The following CHRM2 variants were observed in gnomAD, a reference collection of about 807,000 sequenced individuals.
CHRM2 encodes muscarinic acetylcholine receptor M2.
In CHRM2, 8 loss-of-function variants were observed where a neutral mutation model predicts 25.0. The ratio of observed to expected loss-of-function variants is 0.32; its 90% confidence interval spans 0.19 to 0.58. The LOEUF (loss-of-function observed/expected upper bound fraction) is 0.58. CHRM2 is among the 20% of genes least tolerant of loss of function. CHRM2 has a pLI of 0.88. For missense variants in CHRM2, 440 were observed against 567.1 expected (o/e 0.78, Z 2.28); for synonymous variants, 202 against 205.7 (o/e 0.98, Z 0.15).
intron 2 of CHRM2, among the ~76,000 whole-genome samples, chr7:136,934,715 T>C (rs1799312649): frequency 6.6e-6 from 1 of 152,072 alleles, no homozygotes; most frequent in African/African-American, 2.4e-5. Flanking sequence ...TGTCATTATT[T>C]ATAAATAATG....
chr7:136,981,066 T>C (rs188921112), intron 2 of CHRM2, among the ~76,000 whole-genome samples: 65 of 152,326 alleles, frequency 4.3e-4, no homozygotes, highest in Non-Finnish European at 7.6e-4. Context: ...TGAATCCGTC[T>C]GTTCCTAGGC....
At chr7:136,989,446 A>G (rs1166716291) in intron 2 of CHRM2, among the ~76,000 whole-genome samples, 2 of 152,184 alleles carry the variant, frequency 1.3e-5, no homozygotes, top group Non-Finnish European at 2.9e-5. Context: ...GAAGTAGTTT[A>G]TATAAAGAGA....
intron 2 of CHRM2, among the ~76,000 whole-genome samples, chr7:136,900,372 A>C (rs528303979): frequency 1.3e-5 from 2 of 152,218 alleles, no homozygotes; most frequent in Non-Finnish European, 2.9e-5. Context: ...GGAGAAGTAA[A>C]ACCAGACTGA....
intron 3 of CHRM2, among the ~76,000 whole-genome samples, chr7:137,007,148 C>G (rs324646): frequency 0.14 from 21,049 of 152,014 alleles, 1,760 homozygotes; most frequent in African/African-American, 0.21. Flanking sequence ...TTCCAGGGAG[C>G]TTTCTGTATT....
chr7:136,967,533 A>G (rs1266573498), intron 2 of CHRM2, among the ~76,000 whole-genome samples: 1 of 152,086 alleles, frequency 6.6e-6, no homozygotes, highest in Non-Finnish European at 1.5e-5. Context: ...TGACTTAATA[A>G]TTCTCATAAA....
At chr7:136,971,145 T>C (rs990461519) in intron 2 of CHRM2, among the ~76,000 whole-genome samples, 2 of 152,172 alleles carry the variant, frequency 1.3e-5, no homozygotes, top group Non-Finnish European at 2.9e-5. Context: ...AGAACCAGAA[T>C]TCAGATCTCA....
At chr7:136,904,894 G>A (rs1156546503) in intron 2 of CHRM2, among the ~76,000 whole-genome samples, 1 of 151,926 alleles carries the variant, frequency 6.6e-6, no homozygotes, top group Non-Finnish European at 1.5e-5. Context: ...CACATGTTGT[G>A]AGAGGGACTT....
intron 3 of CHRM2, among the ~76,000 whole-genome samples, chr7:136,994,285 C>G (rs1326959364): frequency 2.0e-5 from 3 of 152,126 alleles, no homozygotes; most frequent in Non-Finnish European, 4.4e-5. Context: ...TATTTTGTAT[C>G]CATGCTTACT....
chr7:136,974,912 T>C (rs1802016803), intron 2 of CHRM2, among the ~76,000 whole-genome samples: 1 of 152,034 alleles, frequency 6.6e-6, no homozygotes, highest in Non-Finnish European at 1.5e-5. Flanking sequence ...ATAACTAATA[T>C]AGTGATGGTA....
intron 2 of CHRM2, among the ~76,000 whole-genome samples, chr7:136,936,473 G>T (rs146106701): frequency 1.3e-5 from 2 of 152,194 alleles, no homozygotes; most frequent in African/African-American, 4.8e-5. Flanking sequence ...TCTGTTAAAT[G>T]ACTAATGTAA....
At chr7:136,914,674 TA>T (rs1222637898) in intron 2 of CHRM2, among the ~76,000 whole-genome samples, 1 of 151,972 alleles carries the variant, frequency 6.6e-6, no homozygotes, top group Non-Finnish European at 1.5e-5. Context: ...ATATGTTGGA[TA>T]GTTCTAAAAA....
chr7:136,875,394 T>C (rs550584929), intron 2 of CHRM2, among the ~76,000 whole-genome samples: 22 of 151,032 alleles, frequency 1.5e-4, no homozygotes, highest in African/African-American at 5.1e-4. Context: ...TATAAACATA[T>C]CTTCTTTCTT....
At position 136,916,051 on chromosome 7, in the gene CHRM2, T is replaced by C. The variant is rs371049613; in HGVS notation, c.-125+46633T>C. 2.7e-3 allele frequency among the ~76,000 whole-genome samples: 416 copies of C among 151,972 alleles called. 4 individuals are homozygous for C. The highest frequency in any genetic ancestry group is 9.5e-3 in the African/African-American group (394 of 41,520). On this transcript the variant is annotated intron_variant, in intron 2 of 3. Transcript: ENST00000680005. Reference sequence around the variant, plus strand: ...GGAAAAGAATAATCTAACCCCATGGTGCAGGCCCCATTCACAGGAACCATT... The same window carrying C: ...GGAAAAGAATAATCTAACCCCATGGCGCAGGCCCCATTCACAGGAACCATT...
chr7:136,960,700 C>CT (rs1021517267), intron 2 of CHRM2, among the ~76,000 whole-genome samples: 1 of 152,126 alleles, frequency 6.6e-6, no homozygotes, highest in Non-Finnish European at 1.5e-5. Flanking sequence ...AATATTCACA[C>CT]TTTTTTTTCT....
At chr7:136,997,505 G>T (rs1039869256) in intron 3 of CHRM2, among the ~76,000 whole-genome samples, 2 of 152,102 alleles carry the variant, frequency 1.3e-5, no homozygotes, top group African/African-American at 4.8e-5. Flanking sequence ...ACTTTTTAAT[G>T]TCCAAACGCA....
At chr7:136,883,485 G>T (rs2130518168) in intron 2 of CHRM2, among the ~76,000 whole-genome samples, 1 of 152,204 alleles carries the variant, frequency 6.6e-6, no homozygotes, top group African/African-American at 2.4e-5. Flanking sequence ...AGCTTATTAT[G>T]TGGGTGACAG....
chr7:136,970,355 C>A (rs1315632599), intron 2 of CHRM2, among the ~76,000 whole-genome samples: 1 of 152,138 alleles, frequency 6.6e-6, no homozygotes, highest in Non-Finnish European at 1.5e-5. Flanking sequence ...TTATGATAGT[C>A]TTTTTGCCTT....
chr7:136,902,692 ACC>A (rs988161829), intron 2 of CHRM2: 14 of 170,086 alleles, frequency 8.2e-5, no homozygotes, highest in South Asian at 1.5e-4. Flanking sequence ...GCAGTCCCAA[ACC>A]CAGGTCAGTT....
chr7:136,931,515 C>G (rs1799104537), intron 2 of CHRM2, among the ~76,000 whole-genome samples: 1 of 152,188 alleles, frequency 6.6e-6, no homozygotes, highest in African/African-American at 2.4e-5. Flanking sequence ...AGGACAGATA[C>G]TTACAATTGG....
Sources: gnomAD v4.1 joint callset for allele counts (sites outside exome capture counted in the v4.1 genomes callset) on GRCh38, gnomAD v4.1.1 for gene constraint, MANE v1.5 for transcripts, NCBI Gene and HGNC (gene_info 2026-07-23, HGNC 2026-07-21) for gene names.